The following HS6ST3 variants were observed in gnomAD, a reference collection of about 807,000 sequenced individuals.
HS6ST3 encodes the protein heparan sulfate 6-O-sulfotransferase 3, also known as heparan-sulfate 6-O-sulfotransferase 3.
A neutral mutation model predicts 36.7 loss-of-function variants in HS6ST3; 12 were observed. That is an observed-to-expected ratio of 0.33 (90% CI 0.21 to 0.53). The LOEUF (loss-of-function observed/expected upper bound fraction) is 0.53. HS6ST3 is among the 20% of genes least tolerant of loss of function. The pLI, the probability that HS6ST3 is intolerant of heterozygous loss-of-function variation, is 0.95. For missense variants in HS6ST3, 584 were observed against 640.9 expected (o/e 0.91, Z 0.96); for synonymous variants, 240 against 257.5 (o/e 0.93, Z 0.65).
intron 1 of HS6ST3, among the ~76,000 whole-genome samples, chr13:96,502,454 T>C (rs988082137): frequency 9.9e-5 from 15 of 151,020 alleles, no homozygotes; most frequent in African/African-American, 3.4e-4. Context: ...AAAGTACTCC[T>C]GTCATGTTCT....
chr13:96,101,272 C>T (rs1182584021), intron 1 of HS6ST3, among the ~76,000 whole-genome samples: 1 of 152,164 alleles, frequency 6.6e-6, no homozygotes, highest in Admixed American at 6.5e-5. Flanking sequence ...GAGACCCTTT[C>T]TGCCGCTTAG....
intron 1 of HS6ST3, among the ~76,000 whole-genome samples, chr13:96,555,470 C>T (rs1441356604): frequency 6.6e-6 from 1 of 151,908 alleles, no homozygotes; most frequent in Non-Finnish European, 1.5e-5. Context: ...TAAAGAACAC[C>T]ATAAGATAAG....
intron 1 of HS6ST3, among the ~76,000 whole-genome samples, chr13:96,773,439 G>A (rs551767059): frequency 5.3e-5 from 8 of 152,268 alleles, no homozygotes; most frequent in Non-Finnish European, 1.0e-4. Context: ...TGAAATTCTC[G>A]CTGCCAGCAC....
At chr13:96,506,323 A>G (rs1453310883) in intron 1 of HS6ST3, among the ~76,000 whole-genome samples, 2 of 152,128 alleles carry the variant, frequency 1.3e-5, no homozygotes, top group Non-Finnish European at 2.9e-5. Context: ...TCCTCATTTT[A>G]CAGATGAAAA....
At chr13:96,135,892 C>G (rs964986017) in intron 1 of HS6ST3, among the ~76,000 whole-genome samples, 1 of 152,118 alleles carries the variant, frequency 6.6e-6, no homozygotes, top group Non-Finnish European at 1.5e-5. Context: ...AGCACCTCCA[C>G]CCCCACCAAC....
intron 1 of HS6ST3, among the ~76,000 whole-genome samples, chr13:96,624,568 A>G (rs530045335): frequency 1.3e-5 from 2 of 152,342 alleles, no homozygotes; most frequent in African/African-American, 4.8e-5. Context: ...ATAGTACCCA[A>G]TAGCCAGTTT....
chr13:96,684,993 T>G (rs583038), intron 1 of HS6ST3, among the ~76,000 whole-genome samples: 67,912 of 151,956 alleles, frequency 0.45, 15,302 homozygotes, highest in East Asian at 0.57. Context: ...ATTGTTAATT[T>G]TGTTCTTTAG....
intron 1 of HS6ST3, among the ~76,000 whole-genome samples, chr13:96,404,872 G>A (rs976048757): frequency 6.6e-6 from 1 of 152,212 alleles, no homozygotes; most frequent in African/African-American, 2.4e-5. Context: ...ATAATGGGAG[G>A]AACCCAGTGG....
intron 1 of HS6ST3, among the ~76,000 whole-genome samples, chr13:96,326,627 T>G (rs757264637): frequency 3.3e-5 from 5 of 152,088 alleles, no homozygotes; most frequent in South Asian, 2.1e-4. Flanking sequence ...GAATAGTGCC[T>G]CAATAAACAT....
In HS6ST3 at chr13:96,245,097, T is replaced by A. The variant is rs80206379; in HGVS notation, c.707+153528T>A. On this transcript the variant is annotated intron_variant, in intron 1 of 1. Coordinates refer to ENST00000376705, the MANE Select transcript of HS6ST3 (RefSeq NM_153456.4). ...TGGCACTCATTTTGTGTGTCATTAC[T>A]AAATCATCCCAGATGATTGAAATCA... Among the ~76,000 whole-genome samples, 970 of 152,352 alleles carry A rather than the reference T, an allele frequency of 6.4e-3. 12 individuals are homozygous for A. The highest frequency in any genetic ancestry group is 0.022 in the African/African-American group (935 of 41,592).
chr13:96,479,670 G>A (rs2055881037), intron 1 of HS6ST3, among the ~76,000 whole-genome samples: 1 of 152,128 alleles, frequency 6.6e-6, no homozygotes, highest in African/African-American at 2.4e-5. Context: ...TAATAATATG[G>A]ACAAGCAGAT....
chr13:96,418,652 GC>G (rs1353697933), intron 1 of HS6ST3, among the ~76,000 whole-genome samples: 6 of 152,316 alleles, frequency 3.9e-5, no homozygotes, highest in Non-Finnish European at 7.3e-5. Flanking sequence ...CAGCCACCAT[GC>G]CTTGTAACTG....
chr13:96,741,356 G>T (rs535763545), intron 1 of HS6ST3, among the ~76,000 whole-genome samples: 121 of 152,298 alleles, frequency 7.9e-4, no homozygotes, highest in African/African-American at 2.7e-3. Context: ...AAATGTGTCA[G>T]ACTAATATAA....
chr13:96,450,656 C>T (rs1389137997), intron 1 of HS6ST3, among the ~76,000 whole-genome samples: 2 of 152,154 alleles, frequency 1.3e-5, no homozygotes, highest in Non-Finnish European at 2.9e-5. Context: ...CCAGAGGTTT[C>T]TGGCTAACTT....
intron 1 of HS6ST3, among the ~76,000 whole-genome samples, chr13:96,814,824 T>C (rs922375478): frequency 6.6e-6 from 1 of 152,224 alleles, no homozygotes; most frequent in Non-Finnish European, 1.5e-5. Context: ...ACTTCTACTT[T>C]TTTTCTCCTG....
At chr13:96,574,700 C>T (rs571101798) in intron 1 of HS6ST3, among the ~76,000 whole-genome samples, 2 of 152,186 alleles carry the variant, frequency 1.3e-5, no homozygotes, top group African/African-American at 2.4e-5. Flanking sequence ...GGGGCCCAAG[C>T]CTTATCTCAG....
intron 1 of HS6ST3, among the ~76,000 whole-genome samples, chr13:96,689,742 G>A (rs1056392844): frequency 6.6e-6 from 1 of 151,428 alleles, no homozygotes; most frequent in East Asian, 1.9e-4. Flanking sequence ...AAAGAGAGCG[G>A]CTGCTCCCTT....
rs375114292 is a variant in HS6ST3 at position 96,417,761 on chromosome 13, T to C, written c.707+326192T>C. Among the ~76,000 whole-genome samples the C allele has an allele frequency of 1.6e-3, 131 of 81,484 alleles. 3 individuals carry two copies. In the South Asian group the frequency reaches 0.034, roughly 21 times the overall value. 53.5% of individuals were successfully genotyped at this position (81,484 alleles called of 152,430 possible). ...ACACACACACACACACACACACACA[T>C]AATAGTCTATCCTCATTATTCACGG... On this transcript the variant is annotated intron_variant, in intron 1 of 1. Transcript: ENST00000376705.
At chr13:96,548,707 G>A (rs1307110899) in intron 1 of HS6ST3, among the ~76,000 whole-genome samples, 5 of 152,186 alleles carry the variant, frequency 3.3e-5, no homozygotes, top group African/African-American at 1.2e-4. Flanking sequence ...TCTGCAGGTC[G>A]TGGACTGCTG....
Sources: gnomAD v4.1 joint callset for allele counts (sites outside exome capture counted in the v4.1 genomes callset) on GRCh38, gnomAD v4.1.1 for gene constraint, MANE v1.5 for transcripts, NCBI Gene and HGNC (gene_info 2026-07-23, HGNC 2026-07-21) for gene names.